Variants in PHACTR4 observed in about 807,000 individuals in gnomAD.
The protein encoded by PHACTR4 is phosphatase and actin regulator 4.
PHACTR4 carries 51 observed loss-of-function variants against 72.7 expected under a neutral mutation model. The ratio of observed to expected loss-of-function variants is 0.70; its 90% CI spans 0.56 to 0.89. The LOEUF is 0.89. Ranked by LOEUF, PHACTR4 falls within the 40% of genes least tolerant of loss-of-function variation. PHACTR4 has a pLI of 0.00. For missense variants in PHACTR4, 731 were observed against 861.8 expected, an observed-to-expected ratio of 0.85 and a Z score of 1.90; for synonymous variants, 255 against 302.5, an observed-to-expected ratio of 0.84 and a Z score of 1.63.
intron 1 of PHACTR4, among the ~76,000 whole-genome samples, chr1:28,371,026 C>T (rs911751419): frequency 1.3e-5 from 2 of 152,130 alleles, no homozygotes; most frequent in African/African-American, 4.8e-5. Context: ...ATTGTGGATT[C>T]GATCAAATTT....
chr1:28,455,278 A>C (rs1406065064), intron 2 of PHACTR4, among the ~76,000 whole-genome samples: 1 of 133,806 alleles, frequency 7.5e-6, no homozygotes, highest in Admixed American at 8.3e-5. Flanking sequence ...GGCTCACTGC[A>C]ACCTCCGCCT....
At chr1:28,431,136 G>A (rs1275114955) in intron 2 of PHACTR4, among the ~76,000 whole-genome samples, 3 of 146,060 alleles carry the variant, frequency 2.1e-5, no homozygotes, top group African/African-American at 7.6e-5. Flanking sequence ...CTGAGATCGC[G>A]CCACTGCACT....
rs554265941 is a variant in PHACTR4 at position 28,375,272 on chromosome 1, C to G, written c.-39+5447C>G. ...AGAGATTGTGCCACTGCACTTCAGC[C>G]GGGGTGACAGAGCAAGATTCCATCC... On this transcript the variant is annotated intron_variant, in intron 1 of 13. Transcript: ENST00000373839. 2.6e-3 allele frequency among the ~76,000 whole-genome samples: 388 copies of G among 151,888 alleles called. 1 individual carries two copies. The highest frequency in any genetic ancestry group is 4.8e-3 in the Admixed American group (73 of 15,208).
chr1:28,455,198 C>CTTTCTTTTTTTTTT (rs1250815977), intron 2 of PHACTR4, among the ~76,000 whole-genome samples: 2 of 85,974 alleles, frequency 2.3e-5, no homozygotes, highest in African/African-American at 1.1e-4. Flanking sequence ...TTCTTTCTTT[C>CTTTCTTTTTTTTTT]TTTTTTTTTT....
intron 2 of PHACTR4, among the ~76,000 whole-genome samples, chr1:28,454,251 AAGAG>A (rs1371986170): frequency 1.3e-5 from 2 of 151,604 alleles, no homozygotes; most frequent in Non-Finnish European, 2.9e-5. Flanking sequence ...TAATAGAACT[AAGAG>A]AGAAATCACT....
At chr1:28,477,288 G>T (rs1570077993) in intron 8 of PHACTR4, among the ~76,000 whole-genome samples, 2 of 151,516 alleles carry the variant, frequency 1.3e-5, no homozygotes, top group Admixed American at 1.3e-4. Flanking sequence ...GCGCTTCACT[G>T]TGTTGGCCAG....
chr1:28,390,255 A>G (rs10751729), intron 1 of PHACTR4, among the ~76,000 whole-genome samples: 53,334 of 151,930 alleles, frequency 0.35, 10,156 homozygotes, highest in African/African-American at 0.48. Context: ...TCCTGGTATC[A>G]AGCGATCCTC....
intron 6 of PHACTR4, among the ~76,000 whole-genome samples, chr1:28,472,997 G>A (rs113733188): frequency 1.1e-4 from 17 of 151,004 alleles, no homozygotes; most frequent in Non-Finnish European, 1.8e-4. Flanking sequence ...GTTGTCAGCC[G>A]GGTGCCATGG....
rs867976583 is a variant in PHACTR4, at chr1:28,369,752, G to C, written c.-112G>C. 20 of 445,848 alleles carry C rather than the reference G, an allele frequency of 4.5e-5. 1 individual carries two copies. The Middle Eastern group carries it at 6.4e-3, about 144-fold the overall frequency. 27.6% of individuals were successfully genotyped at this position (445,848 alleles called of 1,614,324 possible). ...GGGCCAAGGGCTCCGGCTGCTGCCT[G>C]GCGGCCAACGGGCCAGGTAGGATTT... On this transcript the variant is annotated 5_prime_UTR_variant, in exon 1 of 14. Coordinates refer to ENST00000373839, the MANE Select transcript of PHACTR4 (RefSeq NM_001048183.3).
intron 1 of PHACTR4, among the ~76,000 whole-genome samples, chr1:28,388,734 C>T (rs1652772632): frequency 6.6e-6 from 1 of 152,076 alleles, no homozygotes; most frequent in Non-Finnish European, 1.5e-5. Context: ...CCTGTAGTCC[C>T]AGCTACTTGG....
At chr1:28,489,291 T>A in intron 10 of PHACTR4, 66 bp downstream of exon 10, 1 of 1,386,846 alleles carries the variant, frequency 7.2e-7, no homozygotes, top group Admixed American at 2.0e-5. Context: ...TTAATATACA[T>A]AAAAGAAAAA....
At chr1:28,464,046 T>TTC (rs1397532559) in intron 4 of PHACTR4, among the ~76,000 whole-genome samples, 3 of 146,686 alleles carry the variant, frequency 2.0e-5, no homozygotes, top group African/African-American at 7.4e-5. Flanking sequence ...AACCATTTCT[T>TTC]TTTTTTTTTT....
intron 2 of PHACTR4, among the ~76,000 whole-genome samples, chr1:28,415,811 T>C (rs11247814): frequency 0.39 from 58,668 of 152,082 alleles, 13,011 homozygotes; most frequent in African/African-American, 0.6. Flanking sequence ...TAATACCTCC[T>C]TTTGATTAGA....
chr1:28,376,371 A>T (rs78143625), intron 1 of PHACTR4, among the ~76,000 whole-genome samples: 2 of 150,308 alleles, frequency 1.3e-5, no homozygotes, highest in Non-Finnish European at 3.0e-5. Context: ...GAGTCCAGTG[A>T]CATGATCAGG....
intron 4 of PHACTR4, among the ~76,000 whole-genome samples, chr1:28,462,042 C>T (rs1658846364): frequency 6.6e-6 from 1 of 151,056 alleles, no homozygotes; most frequent in Non-Finnish European, 1.5e-5. Flanking sequence ...GAGTCTCACT[C>T]TCTCTCCCAG....
intron 2 of PHACTR4, among the ~76,000 whole-genome samples, chr1:28,423,069 A>G: frequency 6.6e-6 from 1 of 152,062 alleles, no homozygotes; most frequent in East Asian, 1.9e-4. Context: ...GATTACAGGC[A>G]TGAGCCACCA....
intron 2 of PHACTR4, among the ~76,000 whole-genome samples, chr1:28,407,933 A>G (rs1006219123): frequency 6.6e-6 from 1 of 152,100 alleles, no homozygotes; most frequent in Non-Finnish European, 1.5e-5. Flanking sequence ...AGCCTGGCCA[A>G]CATGACAAAA....
intron 2 of PHACTR4, among the ~76,000 whole-genome samples, chr1:28,408,419 A>T (rs6679916): frequency 1.3e-5 from 2 of 151,904 alleles, no homozygotes; most frequent in Non-Finnish European, 2.9e-5. Context: ...TTAGCTGGGC[A>T]TGGTAGTGGG....
intron 9 of PHACTR4, among the ~76,000 whole-genome samples, chr1:28,483,347 GTCAAGACCCAGGCGA>G (rs1570096414): frequency 6.6e-6 from 1 of 151,998 alleles, no homozygotes; most frequent in Middle Eastern, 3.4e-3. Context: ...GGCCCAGGAG[GTCAAGACCCAGGCGA>G]TCAAGGCCCA....
Sources: gnomAD v4.1 joint callset for allele counts (sites outside exome capture counted in the v4.1 genomes callset) on GRCh38, gnomAD v4.1.1 for gene constraint, MANE v1.5 for transcripts, NCBI Gene and HGNC (gene_info 2026-07-23, HGNC 2026-07-21) for gene names.